The following KCNN2 variants were observed in gnomAD, a reference collection of about 807,000 sequenced individuals.
KCNN2 encodes the protein potassium calcium-activated channel subfamily N member 2, also known as small conductance calcium-activated potassium channel protein 2.
Under a neutral mutation model 55.5 loss-of-function variants are expected in KCNN2, and 24 were observed. The ratio of observed to expected loss-of-function variants is 0.43; its 90% CI spans 0.31 to 0.61. The LOEUF is 0.61. Ranked by LOEUF, KCNN2 falls within the 20% of genes least tolerant of loss-of-function variation. The probability of loss-of-function intolerance (pLI) is 0.08; values close to 1 mark genes in which losing one functional copy is unlikely to be tolerated. For synonymous variants in KCNN2, 431 were observed against 336.1 expected (o/e 1.28, Z -3.09); for missense variants, 754 against 853.6 (o/e 0.88, Z 1.45).
intron 2 of KCNN2, among the ~76,000 whole-genome samples, chr5:114,354,673 T>C (rs1164429600): frequency 2.0e-5 from 3 of 152,120 alleles, no homozygotes; most frequent in Non-Finnish European, 4.4e-5. Flanking sequence ...GTTAAGAAAA[T>C]TTAACTTGTG....
intron 1 of KCNN2, among the ~76,000 whole-genome samples, chr5:114,186,857 A>C (rs968913260): frequency 2.6e-5 from 4 of 152,162 alleles, no homozygotes; most frequent in African/African-American, 9.6e-5. Context: ...TTTTGTATAA[A>C]CTGTTAGAAA....
intron 1 of KCNN2, among the ~76,000 whole-genome samples, chr5:114,074,888 G>A (rs1317886485): frequency 6.6e-6 from 1 of 152,210 alleles, no homozygotes; most frequent in Non-Finnish European, 1.5e-5. Context: ...TTGTTTAAAA[G>A]TGCACAATTC....
intron 1 of KCNN2, among the ~76,000 whole-genome samples, chr5:114,154,056 C>T (rs1752579051): frequency 6.6e-6 from 1 of 152,106 alleles, no homozygotes; most frequent in African/African-American, 2.4e-5. Context: ...ACATGCCATC[C>T]CCTTGTATCA....
intron 1 of KCNN2, among the ~76,000 whole-genome samples, chr5:114,130,338 C>G (rs1353010922): frequency 6.6e-6 from 1 of 152,162 alleles, no homozygotes; most frequent in Non-Finnish European, 1.5e-5. Flanking sequence ...GTTACTTAAG[C>G]ACTAGTAGAA....
At chr5:114,189,260 G>A (rs377049454) in intron 1 of KCNN2, among the ~76,000 whole-genome samples, 70 of 152,120 alleles carry the variant, frequency 4.6e-4, no homozygotes, top group East Asian at 3.5e-3. Flanking sequence ...ACCCAGGAGA[G>A]TCAATGGTAC....
At chr5:114,358,630 T>C (rs926197224), upstream of KCNN2, among the ~76,000 whole-genome samples, 2 of 149,444 alleles carry the variant, frequency 1.3e-5, no homozygotes, top group African/African-American at 4.9e-5. Context: ...TCACTGGAAG[T>C]CATAGCCCTT....
chr5:114,276,693 A>G (rs1239434622), intron 2 of KCNN2, among the ~76,000 whole-genome samples: 1 of 130,108 alleles, frequency 7.7e-6, no homozygotes, highest in Admixed American at 8.5e-5. Context: ...TGCTTGGTAG[A>G]TCTTCCTCCA....
chr5:114,240,532 A>T (rs1475484360), intron 2 of KCNN2, among the ~76,000 whole-genome samples: 2 of 151,496 alleles, frequency 1.3e-5, no homozygotes, highest in Admixed American at 1.3e-4. Context: ...CCCAGTTTCA[A>T]ACAATTCTTG....
At chr5:114,314,302 T>C (rs1211547089) in intron 2 of KCNN2, among the ~76,000 whole-genome samples, 13 of 152,142 alleles carry the variant, frequency 8.5e-5, no homozygotes, top group Non-Finnish European at 1.3e-4. Context: ...TTGTTTCAAT[T>C]GATGAACTGA....
intron 2 of KCNN2, among the ~76,000 whole-genome samples, chr5:114,400,281 T>TA (rs1479800081): frequency 1.3e-5 from 2 of 152,216 alleles, no homozygotes; most frequent in Non-Finnish European, 2.9e-5. Context: ...AACACTGCTT[T>TA]AGCTGTGAGC....
rs1290035030 is a variant in KCNN2, at chr5:114,325,081, G to A, written c.-184-35864G>A. Among the ~76,000 whole-genome samples the A allele has an allele frequency of 2.6e-5, 4 of 152,186 alleles. No homozygotes were observed. The East Asian group carries it at 7.7e-4, about 29-fold the overall frequency. On this transcript the variant is annotated intron_variant, in intron 2 of 10. Transcript: ENST00000512097. ...TAGTGTCAGAAAACTAAGCAGGATT[G>A]TGTCCTACAGTTATGTGGAAGGCAG...
chr5:114,313,920 T>G (rs1191667253), intron 2 of KCNN2, among the ~76,000 whole-genome samples: 2 of 152,144 alleles, frequency 1.3e-5, no homozygotes, highest in East Asian at 3.8e-4. Context: ...TCTTCTAAAA[T>G]CACTTTTTAG....
chr5:114,342,633 G>T (rs942669719), intron 2 of KCNN2, among the ~76,000 whole-genome samples: 1 of 152,118 alleles, frequency 6.6e-6, no homozygotes, highest in Non-Finnish European at 1.5e-5. Context: ...TAAGATAAAG[G>T]TTATGGCCCA....
chr5:114,149,062 C>A (rs996793626), intron 1 of KCNN2, among the ~76,000 whole-genome samples: 1 of 152,022 alleles, frequency 6.6e-6, no homozygotes, highest in African/African-American at 2.4e-5. Context: ...GTCAGGGAAC[C>A]AAGGACAATA....
chr5:114,469,217 A>ATTAC (rs576672305), intron 4 of KCNN2, among the ~76,000 whole-genome samples: 134 of 152,262 alleles, frequency 8.8e-4, no homozygotes, highest in South Asian at 6.4e-3. Context: ...AACACTTGTC[A>ATTAC]TTACTTACCT....
chr5:114,485,789 A>G (rs1302725006), intron 5 of KCNN2, among the ~76,000 whole-genome samples: 1 of 152,216 alleles, frequency 6.6e-6, no homozygotes, highest in Non-Finnish European at 1.5e-5. Context: ...AGTTGTAGCA[A>G]TATAATGTTG....
intron 1 of KCNN2, among the ~76,000 whole-genome samples, chr5:114,189,408 T>C (rs1283998507): frequency 6.6e-6 from 1 of 152,132 alleles, no homozygotes; most frequent in Non-Finnish European, 1.5e-5. Context: ...TCTATTTAGA[T>C]TTTTAATTGA....
chr5:114,481,021 G>T (rs1762200666), intron 5 of KCNN2, among the ~76,000 whole-genome samples: 1 of 151,956 alleles, frequency 6.6e-6, no homozygotes, highest in Non-Finnish European at 1.5e-5. Context: ...AATCAGGCAA[G>T]AGAAAGAAAG....
At chr5:114,437,071 G>A (rs913832745) in intron 3 of KCNN2, among the ~76,000 whole-genome samples, 5 of 151,860 alleles carry the variant, frequency 3.3e-5, no homozygotes, top group African/African-American at 9.7e-5. Context: ...GTGTGTATGC[G>A]TGCATGCATG....
Sources: allele counts gnomAD v4.1 joint callset (sites outside exome capture counted in the v4.1 genomes callset), GRCh38; gene constraint gnomAD v4.1.1; transcripts MANE v1.5; gene names NCBI Gene and HGNC (gene_info 2026-07-23, HGNC 2026-07-21).